Variants in SHANK2 observed in about 807,000 individuals in gnomAD.
The protein encoded by SHANK2 is SH3 and multiple ankyrin repeat domains protein 2.
SHANK2 carries 43 observed loss-of-function variants against 133.7 expected under a neutral mutation model. That is an observed-to-expected ratio of 0.32 (90% CI 0.25 to 0.41). SHANK2 has a LOEUF of 0.41. SHANK2 is among the 10% of genes least tolerant of loss of function. The pLI, the probability that SHANK2 is intolerant of heterozygous loss-of-function variation, is 1.00. For missense variants in SHANK2, 1,994 were observed against 2,235.8 expected (o/e 0.89, Z 2.18); for synonymous variants, 1,017 against 952.8 (o/e 1.07, Z -1.24).
At position 70,487,455 on chromosome 11, in the gene SHANK2, C is replaced by T. The variant is rs1448005208; in HGVS notation, c.2838G>A (p.Arg946=). 1.9e-6 allele frequency: 3 copies of T among 1,613,906 alleles called. No homozygotes were observed. The highest frequency in any genetic ancestry group is 2.5e-6 in the Non-Finnish European group (3 of 1,180,038). ...CTCTCCTGAAGTACATCCCCTTCTCCCTCATCATGGTGGCCACGGTGTCGG... is the reference window on the plus strand; with the variant it reads ...CTCTCCTGAAGTACATCCCCTTCTCTCTCATCATGGTGGCCACGGTGTCGG... ...TRSDTVATMM[R]EKGMYFRREL... The change falls in exon 25 of 26, where the codon AGG becomes AGA. Residue 946 remains arginine (R), a synonymous_variant. Coordinates refer to ENST00000601538, the MANE Select transcript of SHANK2 (RefSeq NM_012309.5). This position sits in a 1 kb window ranked among gnomAD's most constrained non-coding sequence, Gnocchi z 5.8.
intron 14 of SHANK2, among the ~76,000 whole-genome samples, chr11:70,794,349 T>C (rs1278572983): frequency 3.3e-5 from 5 of 150,984 alleles, no homozygotes; most frequent in African/African-American, 1.2e-4. Flanking sequence ...GGCATTAGGC[T>C]GAGGGAAAGA....
At chr11:71,205,216 G>A (rs766460269) in intron 2 of SHANK2, among the ~76,000 whole-genome samples, 15 of 152,186 alleles carry the variant, frequency 9.9e-5, no homozygotes, top group Non-Finnish European at 1.9e-4. Flanking sequence ...CTCTCAGCAC[G>A]GGCCCATCCT....
chr11:70,838,990 C>T (rs1235589113), intron 11 of SHANK2, among the ~76,000 whole-genome samples: 2 of 152,208 alleles, frequency 1.3e-5, no homozygotes. Flanking sequence ...GCCACTTGCC[C>T]AGGCCTACAA....
chr11:70,645,288 C>T (rs1444406365), intron 17 of SHANK2, among the ~76,000 whole-genome samples: 2 of 152,092 alleles, frequency 1.3e-5, no homozygotes, highest in African/African-American at 4.8e-5. Context: ...AAGCTTCATC[C>T]TGCTCAATGC....
intron 12 of SHANK2, among the ~76,000 whole-genome samples, chr11:70,809,668 G>C (rs181323673): frequency 6.3e-4 from 96 of 152,306 alleles, no homozygotes; most frequent in East Asian, 5.8e-4. Context: ...ACTCTGTAGG[G>C]AGCAGATTGG....
intron 2 of SHANK2, among the ~76,000 whole-genome samples, chr11:71,210,226 A>ATATATG (rs1954232391): frequency 1.4e-5 from 1 of 69,154 alleles, no homozygotes; most frequent in African/African-American, 5.3e-5. Context: ...ATATATATAT[A>ATATATG]TATATATATA....
chr11:71,059,613 C>A (rs978322524), intron 9 of SHANK2, among the ~76,000 whole-genome samples: 1 of 152,222 alleles, frequency 6.6e-6, no homozygotes, highest in African/African-American at 2.4e-5. Context: ...ACACTGAGCT[C>A]TCAGGATCCG....
At chr11:70,896,697 A>G in intron 10 of SHANK2, 130 bp from the exon 11 acceptor site, 1 of 616,134 alleles carries the variant, frequency 1.6e-6, no homozygotes, top group Non-Finnish European at 2.9e-6. Flanking sequence ...CAGCCGCAAT[A>G]TCAACACTCA....
intron 2 of SHANK2, among the ~76,000 whole-genome samples, chr11:71,207,470 G>A (rs1954150555): frequency 6.6e-6 from 1 of 152,142 alleles, no homozygotes; most frequent in Non-Finnish European, 1.5e-5. Context: ...GTGAGACATC[G>A]TGCCCGGCCC....
At chr11:71,168,379 G>A (rs1347256184) in intron 2 of SHANK2, among the ~76,000 whole-genome samples, 4 of 147,386 alleles carry the variant, frequency 2.7e-5, no homozygotes, top group Non-Finnish European at 4.5e-5. Flanking sequence ...CATCCCAGAC[G>A]ATGGGCGGCC....
intron 3 of SHANK2, among the ~76,000 whole-genome samples, chr11:71,142,417 C>T (rs1952573431): frequency 6.6e-6 from 1 of 152,174 alleles, no homozygotes; most frequent in Admixed American, 6.5e-5. Flanking sequence ...AGAAGAATCA[C>T]TTGAACCCAG....
At chr11:70,543,764 C>T (rs2059652817) in intron 17 of SHANK2, among the ~76,000 whole-genome samples, 2 of 152,224 alleles carry the variant, frequency 1.3e-5, no homozygotes, top group Non-Finnish European at 2.9e-5. Context: ...AGGCACAGGT[C>T]ACAACCTGGG....
At chr11:70,801,752 C>T (rs902481128) in intron 13 of SHANK2, among the ~76,000 whole-genome samples, 2 of 152,030 alleles carry the variant, frequency 1.3e-5, no homozygotes, top group East Asian at 1.9e-4. Flanking sequence ...TCTCTGTGGC[C>T]CCACCTACTC....
intron 2 of SHANK2, among the ~76,000 whole-genome samples, chr11:71,182,877 C>T (rs1324463740): frequency 2.0e-5 from 3 of 152,182 alleles, no homozygotes; most frequent in Admixed American, 2.0e-4. Flanking sequence ...CCACAGCGTG[C>T]CCCACCATGC....
At chr11:70,562,507 C>T (rs139936329) in intron 17 of SHANK2, among the ~76,000 whole-genome samples, 14 of 152,302 alleles carry the variant, frequency 9.2e-5, no homozygotes, top group Non-Finnish European at 1.6e-4. Context: ...GACCCTTTTA[C>T]CATAATGAAA....
intron 17 of SHANK2, among the ~76,000 whole-genome samples, chr11:70,540,022 G>A (rs1312223249): frequency 1.3e-5 from 2 of 152,074 alleles, no homozygotes; most frequent in African/African-American, 4.8e-5. Context: ...GCCTGTCTGC[G>A]CCCAAACCTC....
At chr11:70,765,749 C>T (rs782706970) in intron 14 of SHANK2, among the ~76,000 whole-genome samples, 5 of 152,186 alleles carry the variant, frequency 3.3e-5, no homozygotes, top group Non-Finnish European at 7.4e-5. Flanking sequence ...GGCACAAATG[C>T]ATCTGGGGCA....
chr11:70,672,222 C>G (rs1358510008), intron 15 of SHANK2, among the ~76,000 whole-genome samples: 1 of 151,990 alleles, frequency 6.6e-6, no homozygotes, highest in South Asian at 2.1e-4. Flanking sequence ...CGCCACCATG[C>G]CTGGCTAATT....
intron 17 of SHANK2, among the ~76,000 whole-genome samples, chr11:70,624,458 G>T (rs2060876478): frequency 6.6e-6 from 1 of 151,402 alleles, no homozygotes. Context: ...CCTGAGCCAG[G>T]ATTCACCCCC....
Sources: allele counts gnomAD v4.1 joint callset (sites outside exome capture counted in the v4.1 genomes callset), GRCh38; gene constraint gnomAD v4.1.1; non-coding constraint Gnocchi (gnomAD v3.1); transcripts MANE v1.5; gene names NCBI Gene and HGNC (gene_info 2026-07-23, HGNC 2026-07-21).